Variants in KALRN observed in about 807,000 individuals in gnomAD.
KALRN encodes the protein kalirin.
In KALRN, 70 loss-of-function variants were observed where a neutral mutation model predicts 353.7. That is an observed-to-expected ratio of 0.20 (90% CI 0.16 to 0.24). KALRN has a LOEUF of 0.24. Among genes scored for constraint, KALRN ranks in the 10% least tolerant of loss-of-function variants. The pLI is 1.00. For synonymous variants in KALRN, 1,391 were observed against 1,434.8 expected (o/e 0.97, Z 0.69); for missense variants, 2,791 against 3,756.7 (o/e 0.74, Z 6.72).
chr3:124,051,645 C>A (rs1471175254), intron 1 of KALRN, among the ~76,000 whole-genome samples: 1 of 152,070 alleles, frequency 6.6e-6, no homozygotes, highest in African/African-American at 2.4e-5. Context: ...AATTCTTTCA[C>A]CTCTTTTGAT....
rs1241849175 is a variant in KALRN at position 124,632,569 on chromosome 3, C to T, written c.5332C>T (p.Arg1778Cys). 5 of 1,614,182 alleles carry T rather than the reference C, an allele frequency of 3.1e-6. No individual in the cohort carries two copies. Among genetic ancestry groups the T allele is most frequent in the African/African-American group, 1.3e-5 (1 of 75,036 alleles). Residue 1778 changes from arginine (R) to cysteine (C), a missense_variant, in exon 35 of 60, where the codon CGT becomes TGT. This residue lies in a region of KALRN where 1,065 missense variants were observed against 1,156.4 expected (regional missense o/e 0.92). Coordinates refer to ENST00000682506, the MANE Select transcript of KALRN (RefSeq NM_001388419.1). The part of the protein sequence containing the change: ...TLKKWLTSPV[R>C]RLNSGKADGN... ...TAAGAAGTGGCTGACGAGTCCTGTG[C>T]GTCGGCTTAACAGCGGGAAGGCAGA...
At chr3:124,315,419 ACT>A (rs2078711624) in intron 6 of KALRN, among the ~76,000 whole-genome samples, 1 of 151,980 alleles carries the variant, frequency 6.6e-6, no homozygotes, top group Non-Finnish European at 1.5e-5. Context: ...TTGGCTGATG[ACT>A]CAGGTTTCTG....
At chr3:124,513,176 AG>A (rs2066138291) in intron 33 of KALRN, among the ~76,000 whole-genome samples, 1 of 152,150 alleles carries the variant, frequency 6.6e-6, no homozygotes, top group Non-Finnish European at 1.5e-5. Flanking sequence ...AAGAAAATTC[AG>A]GGGGTAGGGG....
intron 1 of KALRN, among the ~76,000 whole-genome samples, chr3:124,216,209 G>A (rs1579504169): frequency 6.6e-6 from 1 of 152,256 alleles, no homozygotes; most frequent in Admixed American, 6.5e-5. Context: ...TCTCAGCTAA[G>A]GAATCAAATC....
chr3:124,368,438 AG>A (rs1325018661), intron 10 of KALRN, among the ~76,000 whole-genome samples: 1 of 144,776 alleles, frequency 6.9e-6, no homozygotes, highest in Non-Finnish European at 1.5e-5. Context: ...GGCGGGGCAG[AG>A]GCGCTCCGCA....
chr3:124,350,214 A>C (rs2082702569), intron 10 of KALRN, among the ~76,000 whole-genome samples: 1 of 152,038 alleles, frequency 6.6e-6, no homozygotes, highest in Non-Finnish European at 1.5e-5. Context: ...ATTTTTCCCA[A>C]CTGTTCCTCC....
intron 1 of KALRN, among the ~76,000 whole-genome samples, chr3:124,133,780 G>A (rs1314755541): frequency 1.3e-5 from 2 of 152,156 alleles, no homozygotes; most frequent in East Asian, 3.9e-4. Flanking sequence ...AAGAGTTTCA[G>A]GGCAGCCGGA....
chr3:124,060,054 C>T (rs770587393), intron 1 of KALRN, among the ~76,000 whole-genome samples: 3 of 152,170 alleles, frequency 2.0e-5, no homozygotes, highest in Non-Finnish European at 4.4e-5. Context: ...CCAGACTTCT[C>T]CTGAGAATCT....
intron 5 of KALRN, among the ~76,000 whole-genome samples, chr3:124,281,001 A>G (rs1482524072): frequency 3.9e-5 from 6 of 152,202 alleles, no homozygotes; most frequent in African/African-American, 1.4e-4. Flanking sequence ...TGGCACATGT[A>G]TACCTATGTA....
At chr3:124,656,444 A>C (rs2084040952) in intron 39 of KALRN, among the ~76,000 whole-genome samples, 2 of 152,184 alleles carry the variant, frequency 1.3e-5, no homozygotes, top group East Asian at 1.9e-4. Context: ...CCCCGTATCT[A>C]CTAAAAATAC....
intron 34 of KALRN, among the ~76,000 whole-genome samples, chr3:124,599,028 T>C (rs1326732441): frequency 6.6e-6 from 1 of 152,062 alleles, no homozygotes; most frequent in Non-Finnish European, 1.5e-5. Flanking sequence ...TCTGAGACTA[T>C]CTGGGGACAG....
intron 6 of KALRN, among the ~76,000 whole-genome samples, chr3:124,307,822 G>T (rs961718602): frequency 6.6e-6 from 1 of 151,942 alleles, no homozygotes; most frequent in Non-Finnish European, 1.5e-5. Flanking sequence ...GGTAGAAATT[G>T]TCAGACTGGA....
intron 33 of KALRN, among the ~76,000 whole-genome samples, chr3:124,505,492 G>A (rs1417204533): frequency 1.3e-5 from 2 of 152,102 alleles, no homozygotes; most frequent in African/African-American, 4.8e-5. Context: ...AAATTAGCCA[G>A]GCATGGTGGC....
At chr3:124,598,064 C>G (rs920792755) in intron 34 of KALRN, among the ~76,000 whole-genome samples, 45 of 152,316 alleles carry the variant, frequency 3.0e-4, no homozygotes, top group African/African-American at 1.1e-3. Flanking sequence ...AACTCACTCT[C>G]AGGTTCCTGG....
At chr3:124,393,536 C>G (rs2089767754) in intron 11 of KALRN, among the ~76,000 whole-genome samples, 1 of 152,222 alleles carries the variant, frequency 6.6e-6, no homozygotes, top group African/African-American at 2.4e-5. Flanking sequence ...ATAAACTGAA[C>G]TAATTACAAC....
intron 3 of KALRN, among the ~76,000 whole-genome samples, chr3:124,237,094 G>T (rs974426739): frequency 4.6e-5 from 7 of 152,234 alleles, no homozygotes; most frequent in African/African-American, 1.7e-4. Flanking sequence ...GATGGAACAG[G>T]ATTGTTCTAA....
At chr3:124,232,621 C>CT (rs1051134484) in intron 2 of KALRN, among the ~76,000 whole-genome samples, 1 of 152,120 alleles carries the variant, frequency 6.6e-6, no homozygotes, top group African/African-American at 2.4e-5. Flanking sequence ...CATTCCTCTC[C>CT]TTTTTTCTAT....
rs188537252 is a variant in KALRN at position 124,531,199 on chromosome 3, G to C, written c.4936-31644G>C. ...ACATAGACCTACTCAATCACAAAGA[G>C]CCCAGGAAAAGCAATTGAGTTATAT... On this transcript the variant is annotated intron_variant, in intron 33 of 59. Transcript: ENST00000682506. Among the ~76,000 whole-genome samples, 230 of 152,272 alleles carry C rather than the reference G, an allele frequency of 1.5e-3. 1 individual carries two copies. The highest frequency in any genetic ancestry group is 5.2e-3 in the African/African-American group (216 of 41,568).
At chr3:124,488,169 T>C (rs1214216456) in intron 28 of KALRN, 35 bp from the exon 29 acceptor site, 4 of 1,324,598 alleles carry the variant, frequency 3.0e-6, no homozygotes, top group South Asian at 1.2e-5. Context: ...CTGGGGGAGA[T>C]GGCCCTAATT....
Sources: allele counts gnomAD v4.1 joint callset (sites outside exome capture counted in the v4.1 genomes callset), GRCh38; gene constraint gnomAD v4.1.1; regional missense constraint gnomAD v4.1.1; transcripts MANE v1.5; gene names NCBI Gene and HGNC (gene_info 2026-07-23, HGNC 2026-07-21).